VNN2: variants seen among roughly 807,000 people sequenced by gnomAD.
VNN2 encodes pantetheine hydrolase VNN2.
In VNN2, 43 loss-of-function variants were observed where a neutral mutation model predicts 43.0. The ratio of observed to expected loss-of-function variants is 1.00; its 90% confidence interval spans 0.78 to 1.29. The LOEUF (loss-of-function observed/expected upper bound fraction) is 1.29. VNN2 is among the 50% of genes most tolerant of loss of function. The pLI, the probability that VNN2 is intolerant of heterozygous loss-of-function variation, is 0.00. For synonymous variants in VNN2, 230 were observed against 224.3 expected (o/e 1.03, Z -0.23); for missense variants, 652 against 619.7 (o/e 1.05, Z -0.55).
intron 6 of VNN2, among the ~76,000 whole-genome samples, chr6:132,748,050 C>A (rs184446170): frequency 1.3e-5 from 2 of 152,124 alleles, no homozygotes; most frequent in Non-Finnish European, 2.9e-5. Context: ...CAAAGTAGTA[C>A]GAGAAAATTA....
chr6:132,759,013 C>T (rs943741967), upstream of VNN2, among the ~76,000 whole-genome samples: 1 of 152,088 alleles, frequency 6.6e-6, no homozygotes, highest in Non-Finnish European at 1.5e-5. Flanking sequence ...CTCCCCACCC[C>T]CTGCTTTGGA....
In VNN2 at chr6:132,744,245, G is replaced by C; in HGVS notation, c.*55C>G. 6.6e-7 allele frequency: 1 copy of C among 1,526,694 alleles called. No homozygotes were observed. The highest frequency in any genetic ancestry group is 8.8e-7 in the Non-Finnish European group (1 of 1,132,408). The allele number at this position is 1,526,694 out of a possible 1,614,324, so 94.6% of individuals were successfully genotyped here. A position where few individuals can be genotyped will look rare whatever the true frequency, so the allele number is the denominator to read the frequency against. ...AGTTTCTTAGTAAACTTGGGAAGCCGATAAACACATTCAGCCAAGCATATG... is the reference window on the plus strand; with the variant it reads ...AGTTTCTTAGTAAACTTGGGAAGCCCATAAACACATTCAGCCAAGCATATG... On this transcript the variant is annotated 3_prime_UTR_variant, in exon 7 of 7. Coordinates refer to ENST00000326499, the MANE Select transcript of VNN2 (RefSeq NM_004665.6).
intron 3 of VNN2, among the ~76,000 whole-genome samples, chr6:132,754,450 C>T (rs575910562): frequency 6.4e-4 from 98 of 152,184 alleles, no homozygotes; most frequent in Admixed American, 2.9e-3. Context: ...GGTCCATGAT[C>T]GAAATCATTT....
At chr6:132,755,718 A>G in intron 3 of VNN2, 125 bp downstream of exon 3, 1 of 1,103,136 alleles carries the variant, frequency 9.1e-7, no homozygotes. Context: ...AAAACAAAAA[A>G]CAAAACAAAA....
intron 6 of VNN2, among the ~76,000 whole-genome samples, chr6:132,745,981 C>G (rs1779692311): frequency 6.6e-6 from 1 of 152,166 alleles, no homozygotes; most frequent in South Asian, 2.1e-4. Context: ...GAGAAAATGA[C>G]TAAATATCCT....
intron 5 of VNN2, among the ~76,000 whole-genome samples, chr6:132,750,489 G>GTATAAGTGTGTATGTA (rs1779988752): frequency 1.0e-5 from 1 of 96,570 alleles, no homozygotes; most frequent in Admixed American, 1.1e-4. Context: ...AAAATATTTT[G>GTATAAGTGTGTATGTA]TATATGTGTA....
At chr6:132,756,161 T>C in intron 2 of VNN2, 126 bp from the exon 3 acceptor site, 1 of 879,618 alleles carries the variant, frequency 1.1e-6, no homozygotes, top group African/African-American at 1.7e-5. Context: ...TGCCTAAAAA[T>C]ATCATACTTT....
At position 132,757,754 on chromosome 6, in the gene VNN2, G is replaced by T; in HGVS notation, c.130C>A (p.Pro44Thr). The change falls in exon 1 of 7, where the codon CCA becomes ACA. Residue 44 changes from proline to threonine, a missense_variant. Physicochemically the swap from Pro to Thr is conservative, Grantham distance 38 (BLOSUM62 -1). Coordinates refer to ENST00000326499, the MANE Select transcript of VNN2 (RefSeq NM_004665.6). ...AVILPNKTET[P>T]VSQEDALNLM... ...TTCAAGGCATCCTCCTGAGAAACTG[G>T]TGTTTCTGTTTTATTTGGCAAAATG... 6.2e-7 allele frequency: 1 copy of T among 1,614,100 alleles called. No homozygotes were observed. Among genetic ancestry groups the T allele is most frequent in the Non-Finnish European group, 8.5e-7 (1 of 1,180,022 alleles).
At chr6:132,761,353 C>G (rs1448655117), upstream of VNN2, among the ~76,000 whole-genome samples, 1 of 141,288 alleles carries the variant, frequency 7.1e-6, no homozygotes, top group Non-Finnish European at 1.5e-5. Context: ...AAAGAGTCAC[C>G]ATAAAAAAAA....
At chr6:132,747,473 T>C (rs947313896) in intron 6 of VNN2, among the ~76,000 whole-genome samples, 5 of 151,926 alleles carry the variant, frequency 3.3e-5, no homozygotes, top group Non-Finnish European at 7.4e-5. Context: ...AAAAAGTAGC[T>C]GGGCGTGGTG....
intron 2 of VNN2, among the ~76,000 whole-genome samples, chr6:132,756,652 C>T (rs1780495038): frequency 6.6e-6 from 1 of 152,106 alleles, no homozygotes. Flanking sequence ...TTATTGGTTG[C>T]TCTTCTTCGA....
chr6:132,750,004 T>G, intron 5 of VNN2, 139 bp from the exon 6 acceptor site: 1 of 767,782 alleles, frequency 1.3e-6, no homozygotes, highest in Non-Finnish European at 1.9e-6. Context: ...TGTCTTATAA[T>G]TAACTGCTTT....
chr6:132,745,669 G>A (rs1235819730), intron 6 of VNN2, among the ~76,000 whole-genome samples: 2 of 152,182 alleles, frequency 1.3e-5, no homozygotes, highest in African/African-American at 2.4e-5. Context: ...GAAGATTAGT[G>A]AAGAAGAGAA....
At chr6:132,747,638 A>C (rs9493421) in intron 6 of VNN2, among the ~76,000 whole-genome samples, 4 of 152,090 alleles carry the variant, frequency 2.6e-5, no homozygotes, top group African/African-American at 9.7e-5. Context: ...ATAATTAAAA[A>C]TAATTTAAAA....
At chr6:132,753,349 A>G in intron 3 of VNN2, 1 of 360,906 alleles carries the variant, frequency 2.8e-6, no homozygotes, top group Non-Finnish European at 5.5e-6. Context: ...AAAGTTAAAA[A>G]ACATGCATTA....
At chr6:132,763,400 A>C (rs1780785743) in exon 1 of VNN2, 1 of 152,100 alleles carries the variant, frequency 6.6e-6, no homozygotes. Context: ...GTCAAGGGGG[A>C]GCCTTCCACT....
intron 4 of VNN2, 73 bp from the exon 5 acceptor site, chr6:132,751,591 A>T (rs868601387): frequency 1.3e-6 from 2 of 1,524,936 alleles, no homozygotes; most frequent in African/African-American, 1.4e-5. Flanking sequence ...TTTCCCCATC[A>T]GAATTGGGCA....
intron 3 of VNN2, chr6:132,753,546 T>TA (rs547143662): frequency 6.4e-4 from 269 of 419,990 alleles, no homozygotes; most frequent in South Asian, 9.1e-4. Context: ...CTAGGTAAAC[T>TA]AAAAAAAAAC....
intron 6 of VNN2, among the ~76,000 whole-genome samples, chr6:132,747,280 C>A (rs9321363): frequency 0.062 from 9,436 of 152,108 alleles, 954 homozygotes; most frequent in African/African-American, 0.21. Context: ...ATCAAAATAT[C>A]TCCTGTAACC....
Sources: allele counts gnomAD v4.1 joint callset (sites outside exome capture counted in the v4.1 genomes callset), GRCh38; gene constraint gnomAD v4.1.1; transcripts MANE v1.5; gene names NCBI Gene and HGNC (gene_info 2026-07-23, HGNC 2026-07-21).